The following ANKS4B variants were observed in gnomAD, a reference collection of about 807,000 sequenced individuals.
ANKS4B encodes the protein ankyrin repeat and SAM domain-containing protein 4B.
Under a neutral mutation model 20.2 loss-of-function variants are expected in ANKS4B, and 21 were observed. The ratio of observed to expected loss-of-function variants is 1.04; its 90% CI spans 0.74 to 1.50. The LOEUF is 1.50. ANKS4B is among the 40% of genes most tolerant of loss of function. ANKS4B has a pLI of 0.00. For missense variants in ANKS4B, 473 were observed against 494.6 expected, an observed-to-expected ratio of 0.96 and a Z score of 0.41; for synonymous variants, 179 against 194.5, an observed-to-expected ratio of 0.92 and a Z score of 0.66.
At chr16:21,238,414 A>G (rs920116457) in intron 1 of ANKS4B, among the ~76,000 whole-genome samples, 14 of 152,294 alleles carry the variant, frequency 9.2e-5, no homozygotes, top group African/African-American at 3.4e-4. Flanking sequence ...CATATAGGTT[A>G]CAACTGTTTT....
Position 21,250,977 on chromosome 16 carries a change from G to C in ANKS4B, c.*157G>C, listed in dbSNP as rs2093338769. ...GAGAGACCCAAACTTTACTCTGGGA[G>C]GTAGGCTATGCCCATCCAAATAAAT... On this transcript the variant is annotated 3_prime_UTR_variant, in exon 2 of 2. Coordinates refer to ENST00000311620, the MANE Select transcript of ANKS4B (RefSeq NM_145865.3). 1 of 1,009,972 alleles carries C rather than the reference G, an allele frequency of 9.9e-7. No individual in the cohort carries two copies. The highest frequency in any genetic ancestry group is 2.6e-5 in the East Asian group (1 of 38,744). The allele number at this position is 1,009,972 out of a possible 1,614,324, so 62.6% of individuals were successfully genotyped here. A position where few individuals can be genotyped will look rare whatever the true frequency, so the allele number is the denominator to read the frequency against.
At chr16:21,234,474 G>A (rs2093317686) in intron 1 of ANKS4B, among the ~76,000 whole-genome samples, 1 of 128,570 alleles carries the variant, frequency 7.8e-6, no homozygotes, top group African/African-American at 2.8e-5. Flanking sequence ...TCTTTGGCTA[G>A]TGGATAGATA....
Position 21,253,074 on chromosome 16 carries a change from C to T in ANKS4B, c.*2254C>T, listed in dbSNP as rs72782835. 6,508 of 148,996 alleles carry T rather than the reference C, an allele frequency of 0.044. 208 individuals carry two copies. The highest frequency in any genetic ancestry group is 0.068 in the Non-Finnish European group (4,559 of 67,198). The allele number at this position is 148,996 out of a possible 1,614,324, so 9.2% of individuals were successfully genotyped here. ...AAGAAACTGACAACACTGCTGCTGA[C>T]ATTTTTTCAATGGCAATCCCAAATT... On this transcript the variant is annotated 3_prime_UTR_variant, in exon 2 of 2. Transcript: ENST00000311620.
chr16:21,234,038 A>G, intron 1 of ANKS4B, 137 bp downstream of exon 1: 1 of 900,618 alleles, frequency 1.1e-6, no homozygotes, highest in East Asian at 2.7e-5. Flanking sequence ...TTTTAGAGAA[A>G]GAGAGAAAAC....
At chr16:21,237,639 G>A (rs903387996) in intron 1 of ANKS4B, among the ~76,000 whole-genome samples, 1 of 151,376 alleles carries the variant, frequency 6.6e-6, no homozygotes, top group African/African-American at 2.4e-5. Flanking sequence ...CCTTTTATAA[G>A]GGTGCTAACC....
chr16:21,239,884 G>A (rs952800304), intron 1 of ANKS4B, among the ~76,000 whole-genome samples: 1 of 152,064 alleles, frequency 6.6e-6, no homozygotes, highest in African/African-American at 2.4e-5. Context: ...TAGTGCCTGG[G>A]TGACAAAATT....
Position 21,253,641 on chromosome 16 carries a change from A to G in ANKS4B, c.*2821A>G, listed in dbSNP as rs2093342107. 6.6e-6 allele frequency: 1 copy of G among 152,158 alleles called. No individual in the cohort carries two copies. Among genetic ancestry groups the G allele is most frequent in the African/African-American group, 2.4e-5 (1 of 41,436 alleles). The allele number at this position is 152,158 out of a possible 1,614,324, so 9.4% of individuals were successfully genotyped here. A position where few individuals can be genotyped will look rare whatever the true frequency, so the allele number is the denominator to read the frequency against. ...AGAGCCATCACTCAGGTTGGTAGAA[A>G]TGAACTTGAACATTGACTCTCATCC... On this transcript the variant is annotated 3_prime_UTR_variant, in exon 2 of 2. Coordinates refer to ENST00000311620, the MANE Select transcript of ANKS4B (RefSeq NM_145865.3).
At chr16:21,247,115 G>T (rs904395377) in intron 1 of ANKS4B, among the ~76,000 whole-genome samples, 2 of 151,654 alleles carry the variant, frequency 1.3e-5, no homozygotes, top group Non-Finnish European at 1.5e-5. Flanking sequence ...ACCCAGGCTG[G>T]AGTGCAGTGG....
At chr16:21,234,483 TACACACACACACACACAC>T (rs34242527) in intron 1 of ANKS4B, among the ~76,000 whole-genome samples, 8 of 124,722 alleles carry the variant, frequency 6.4e-5, no homozygotes, top group Admixed American at 1.6e-4. Flanking sequence ...AGTGGATAGA[TACACACACACACACACAC>T]ACACACACAC....
At chr16:21,244,291 AT>A (rs1401271743) in intron 1 of ANKS4B, among the ~76,000 whole-genome samples, 1 of 152,140 alleles carries the variant, frequency 6.6e-6, no homozygotes, top group African/African-American at 2.4e-5. Context: ...GAGGGAGAGC[AT>A]TAGGACAAAT....
At chr16:21,243,763 CG>C (rs2152859641) in intron 1 of ANKS4B, 1 of 152,162 alleles carries the variant, frequency 6.6e-6, no homozygotes, top group South Asian at 2.1e-4. Flanking sequence ...TTAGTAGAGA[CG>C]GGGTTTCACC....
At chr16:21,239,968 A>T (rs914371359) in intron 1 of ANKS4B, among the ~76,000 whole-genome samples, 35 of 152,026 alleles carry the variant, frequency 2.3e-4, no homozygotes, top group Admixed American at 4.6e-4. Context: ...ACCTAAAATT[A>T]AAAAAAATTG....
intron 1 of ANKS4B, among the ~76,000 whole-genome samples, chr16:21,235,732 A>C (rs531371382): frequency 6.6e-6 from 1 of 152,332 alleles, no homozygotes; most frequent in Admixed American, 6.5e-5. Context: ...TTATTAAAAT[A>C]GGGGACATTT....
Position 21,242,086 on chromosome 16 carries a change from T to A in ANKS4B, c.165-7645T>A, listed in dbSNP as rs896213938. The stretch of plus-strand genomic sequence containing the variant: ...AAACTATAGTCATCATGTGTTACAA[T>A]AGATGTCTTGTACTTATTCCTCCTG... On this transcript the variant is annotated intron_variant, in intron 1 of 1. Transcript: ENST00000311620. Among the ~76,000 whole-genome samples the A allele has an allele frequency of 2.0e-5, 3 of 152,340 alleles. No homozygotes were observed. In the South Asian group the frequency reaches 6.2e-4, roughly 32 times the overall value.
At chr16:21,243,452 A>C (rs1009940648) in intron 1 of ANKS4B, among the ~76,000 whole-genome samples, 1 of 152,250 alleles carries the variant, frequency 6.6e-6, no homozygotes, top group Admixed American at 6.5e-5. Flanking sequence ...AAATGTGAAC[A>C]ATGACAAGTA....
At chr16:21,235,196 C>T (rs972621952) in intron 1 of ANKS4B, among the ~76,000 whole-genome samples, 1 of 152,146 alleles carries the variant, frequency 6.6e-6, no homozygotes, top group African/African-American at 2.4e-5. Context: ...ACTAAATAGG[C>T]ATCTACCTCA....
In ANKS4B at chr16:21,253,050, A is replaced by C. The variant is rs1484010219; in HGVS notation, c.*2230A>C. 1 of 152,068 alleles carries C rather than the reference A, an allele frequency of 6.6e-6. No homozygotes were observed. Among genetic ancestry groups the C allele is most frequent in the African/African-American group, 2.4e-5 (1 of 41,410 alleles). The allele number at this position is 152,068 out of a possible 1,614,324, so 9.4% of individuals were successfully genotyped here. A position where few individuals can be genotyped will look rare whatever the true frequency, so the allele number is the denominator to read the frequency against. On this transcript the variant is annotated 3_prime_UTR_variant, in exon 2 of 2. Coordinates refer to ENST00000311620, the MANE Select transcript of ANKS4B (RefSeq NM_145865.3). ...AAAAAAAAAAAAAAAAAAAGAAAAA[A>C]GAAACTGACAACACTGCTGCTGACA... is the stretch of plus-strand genomic sequence containing the variant.
At chr16:21,242,731 A>G (rs2093327909) in intron 1 of ANKS4B, among the ~76,000 whole-genome samples, 1 of 152,202 alleles carries the variant, frequency 6.6e-6, no homozygotes, top group Admixed American at 6.5e-5. Context: ...TTGACTATTC[A>G]TGTTGCTTAA....
At chr16:21,235,292 AG>A (rs1348508440) in intron 1 of ANKS4B, among the ~76,000 whole-genome samples, 1 of 152,214 alleles carries the variant, frequency 6.6e-6, no homozygotes, top group African/African-American at 2.4e-5. Flanking sequence ...TAGACGAAAG[AG>A]TGTTTTCCCT....
Sources: gnomAD v4.1 joint callset for allele counts (sites outside exome capture counted in the v4.1 genomes callset) on GRCh38, gnomAD v4.1.1 for gene constraint, MANE v1.5 for transcripts, NCBI Gene and HGNC (gene_info 2026-07-23, HGNC 2026-07-21) for gene names.